LMNB1: variants seen among roughly 807,000 people sequenced by gnomAD.
LMNB1 encodes lamin B1, also known as lamin-B1.
A neutral mutation model predicts 67.1 loss-of-function variants in LMNB1; 23 were observed. The observed-to-expected ratio is 0.34, with a 90% CI of 0.25 to 0.49. The LOEUF (loss-of-function observed/expected upper bound fraction) is 0.49, where lower values mean the gene tolerates loss of function less well. Among genes scored for constraint, LMNB1 ranks in the 20% least tolerant of loss-of-function variants. The pLI, the probability that LMNB1 is intolerant of heterozygous loss-of-function variation, is 0.99. For synonymous variants in LMNB1, 281 were observed against 282.9 expected (o/e 0.99, Z 0.07); for missense variants, 634 against 746.5 (o/e 0.85, Z 1.76).
At chr5:126,782,997 C>T (rs937463348) in intron 1 of LMNB1, among the ~76,000 whole-genome samples, 6 of 151,226 alleles carry the variant, frequency 4.0e-5, no homozygotes, top group Non-Finnish European at 7.4e-5. Context: ...GTCAGGAGTT[C>T]GAGACCAGCC....
At chr5:126,802,934 C>T (rs1489315304) in intron 1 of LMNB1, among the ~76,000 whole-genome samples, 2 of 151,992 alleles carry the variant, frequency 1.3e-5, no homozygotes, top group African/African-American at 2.4e-5. Flanking sequence ...CCTGTAATCC[C>T]AGCATCTTGG....
chr5:126,834,315 C>T (rs1053483292), intron 10 of LMNB1, among the ~76,000 whole-genome samples: 13 of 152,152 alleles, frequency 8.5e-5, no homozygotes, highest in African/African-American at 3.1e-4. Flanking sequence ...AAGAGATACC[C>T]CTGCCTCAGT....
chr5:126,829,444 G>C (rs1752077357), intron 9 of LMNB1, among the ~76,000 whole-genome samples: 1 of 151,766 alleles, frequency 6.6e-6, no homozygotes, highest in Non-Finnish European at 1.5e-5. Context: ...ACGTGGTCCG[G>C]TACTACTGAC....
intron 9 of LMNB1, among the ~76,000 whole-genome samples, chr5:126,827,739 A>G (rs979134854): frequency 1.3e-5 from 2 of 152,230 alleles, no homozygotes; most frequent in Non-Finnish European, 2.9e-5. Flanking sequence ...ATTAGGAATA[A>G]GAGCAAAGGA....
chr5:126,834,769 G>A (rs1294569098), intron 10 of LMNB1, among the ~76,000 whole-genome samples: 5 of 152,130 alleles, frequency 3.3e-5, no homozygotes, highest in African/African-American at 7.2e-5. Flanking sequence ...CCAGCTACTC[G>A]GGAGGCTGAG....
chr5:126,789,767 AGTTTCAAGT>A (rs899776923), intron 1 of LMNB1, among the ~76,000 whole-genome samples: 1 of 151,878 alleles, frequency 6.6e-6, no homozygotes, highest in Non-Finnish European at 1.5e-5. Flanking sequence ...TCTGCCTTCC[AGTTTCAAGT>A]GATTCTCCTG....
chr5:126,791,059 A>T (rs1750943327), intron 1 of LMNB1, among the ~76,000 whole-genome samples: 1 of 152,128 alleles, frequency 6.6e-6, no homozygotes, highest in South Asian at 2.1e-4. Context: ...AAATAAATAA[A>T]TAAAATGAAG....
chr5:126,800,973 ATATATATAATT>A (rs1561742506), intron 1 of LMNB1, among the ~76,000 whole-genome samples: 4,014 of 60,420 alleles, frequency 0.066, 159 homozygotes, highest in Non-Finnish European at 0.083. Flanking sequence ...ATATATATAT[ATATATATAATT>A]TTTTTTTTTT....
intron 5 of LMNB1, among the ~76,000 whole-genome samples, chr5:126,815,529 C>G (rs1440225898): frequency 6.6e-6 from 1 of 152,074 alleles, no homozygotes; most frequent in Non-Finnish European, 1.5e-5. Context: ...TGCAGCTAGA[C>G]CTTAATAAAC....
At chr5:126,818,330 C>T (rs559413440) in intron 5 of LMNB1, among the ~76,000 whole-genome samples, 16 of 151,786 alleles carry the variant, frequency 1.1e-4, no homozygotes, top group East Asian at 3.9e-4. Flanking sequence ...CCTCTGCCTC[C>T]GGGGTTCAAG....
At chr5:126,790,367 A>G (rs890585589) in intron 1 of LMNB1, among the ~76,000 whole-genome samples, 5 of 152,086 alleles carry the variant, frequency 3.3e-5, no homozygotes, top group Non-Finnish European at 7.3e-5. Context: ...CGGCCTCCCA[A>G]AGTGCTGGGA....
At chr5:126,782,696 C>T (rs1435254846) in intron 1 of LMNB1, among the ~76,000 whole-genome samples, 1 of 151,780 alleles carries the variant, frequency 6.6e-6, no homozygotes, top group African/African-American at 2.4e-5. Flanking sequence ...ATTACAGGCA[C>T]CCGCCACCAC....
intron 1 of LMNB1, among the ~76,000 whole-genome samples, chr5:126,785,537 T>C (rs999797951): frequency 1.5e-4 from 22 of 145,186 alleles, no homozygotes; most frequent in Admixed American, 4.9e-4. Flanking sequence ...CCCAGGCTTG[T>C]CTTGAACTCC....
chr5:126,804,414 TATAATATGC>T (rs1751364538), intron 1 of LMNB1, among the ~76,000 whole-genome samples: 1 of 152,132 alleles, frequency 6.6e-6, no homozygotes, highest in African/African-American at 2.4e-5. Flanking sequence ...TGTTTTGGCT[TATAATATGC>T]ATTATATTTA....
At chr5:126,777,066 C>A (rs1561729279), upstream of LMNB1, 2 of 157,924 alleles carry the variant, frequency 1.3e-5, no homozygotes, top group Non-Finnish European at 2.8e-5. Context: ...GGCGCCGCGG[C>A]CCGCGCCACC....
At chr5:126,791,396 A>G (rs530613105) in intron 1 of LMNB1, among the ~76,000 whole-genome samples, 49 of 152,056 alleles carry the variant, frequency 3.2e-4, no homozygotes, top group Admixed American at 2.7e-3. Context: ...CTACTAAGAG[A>G]TGTTCTCAAT....
intron 1 of LMNB1, among the ~76,000 whole-genome samples, chr5:126,800,951 C>CTATATATATA (rs57113826): frequency 2.6e-3 from 124 of 47,216 alleles, no homozygotes; most frequent in East Asian, 4.2e-3. Context: ...TGCAGCCAGA[C>CTATATATATA]TATATATATA....
chr5:126,792,765 G>A (rs371347871), intron 1 of LMNB1, among the ~76,000 whole-genome samples: 2 of 151,612 alleles, frequency 1.3e-5, no homozygotes, highest in East Asian at 1.9e-4. Context: ...TAGTAGAGAC[G>A]GGGTTTCTCC....
intron 8 of LMNB1, 68 bp from the exon 9 acceptor site, chr5:126,825,920 G>A (rs1449612600): frequency 1.4e-5 from 23 of 1,603,468 alleles, no homozygotes; most frequent in South Asian, 4.4e-5. Flanking sequence ...GAGTCTCATC[G>A]CATTGCTGTC....
Sources: allele counts gnomAD v4.1 joint callset (sites outside exome capture counted in the v4.1 genomes callset), GRCh38; gene constraint gnomAD v4.1.1; transcripts MANE v1.5; gene names NCBI Gene and HGNC (gene_info 2026-07-23, HGNC 2026-07-21).